SLC24A2: variants seen among roughly 807,000 people sequenced by gnomAD.
SLC24A2 encodes the protein solute carrier family 24 member 2, also known as sodium/potassium/calcium exchanger 2.
In SLC24A2, 36 loss-of-function variants were observed where a neutral mutation model predicts 62.0. The ratio of observed to expected loss-of-function variants is 0.58; its 90% CI spans 0.44 to 0.77. The LOEUF (loss-of-function observed/expected upper bound fraction) is 0.77. SLC24A2 is among the 30% of genes least tolerant of loss of function. The pLI is 0.00. For missense variants in SLC24A2, 846 were observed against 817.9 expected (o/e 1.03, Z -0.42); for synonymous variants, 358 against 294.0 (o/e 1.22, Z -2.23).
the SLC24A2 span, among the ~76,000 whole-genome samples, chr9:20,182,169 C>T: frequency 6.6e-6 from 1 of 152,206 alleles, no homozygotes; most frequent in Non-Finnish European, 1.5e-5. Flanking sequence ...AACGCTTTTA[C>T]ACTGTTGGTG....
intron 2 of SLC24A2, among the ~76,000 whole-genome samples, chr9:19,630,338 C>A (rs1004772985): frequency 6.6e-6 from 1 of 151,996 alleles, no homozygotes; most frequent in African/African-American, 2.4e-5. Context: ...ATTTAAAATG[C>A]ATTTTAAAAC....
the SLC24A2 span, among the ~76,000 whole-genome samples, chr9:19,799,642 T>A: frequency 6.6e-6 from 1 of 152,192 alleles, no homozygotes; most frequent in Non-Finnish European, 1.5e-5. Context: ...TTTAGCCTCC[T>A]CTAACTGCAG....
chr9:19,812,589 GC>G, the SLC24A2 span, among the ~76,000 whole-genome samples: 1 of 151,494 alleles, frequency 6.6e-6, no homozygotes, highest in East Asian at 1.9e-4. Flanking sequence ...TATTAATCTT[GC>G]CATTTAAAAA....
intron 7 of SLC24A2, among the ~76,000 whole-genome samples, chr9:19,569,496 A>G (rs1468992358): frequency 6.6e-6 from 1 of 151,966 alleles, no homozygotes; most frequent in African/African-American, 2.4e-5. Context: ...AGTGCGCACA[A>G]TGTCCTTCAT....
At chr9:19,649,957 A>T (rs1487307872) in intron 2 of SLC24A2, among the ~76,000 whole-genome samples, 3 of 152,234 alleles carry the variant, frequency 2.0e-5, no homozygotes, top group Non-Finnish European at 4.4e-5. Context: ...TCTCATGGCC[A>T]AGGAGCAAAA....
chr9:20,301,819 T>C, the SLC24A2 span, among the ~76,000 whole-genome samples: 3 of 152,194 alleles, frequency 2.0e-5, no homozygotes, highest in Non-Finnish European at 4.4e-5. Context: ...TCAGAACAAA[T>C]GTATTAATGA....
the SLC24A2 span, among the ~76,000 whole-genome samples, chr9:20,194,937 T>C: frequency 6.6e-6 from 1 of 152,168 alleles, no homozygotes; most frequent in Non-Finnish European, 1.5e-5. Context: ...CTAAGATTGC[T>C]AGTAACTACA....
the SLC24A2 span, among the ~76,000 whole-genome samples, chr9:20,166,948 C>G: frequency 9.9e-5 from 15 of 152,124 alleles, no homozygotes; most frequent in Non-Finnish European, 1.8e-4. Flanking sequence ...TCAACCTAAC[C>G]TTTCACCTCA....
chr9:20,108,608 A>G, the SLC24A2 span, among the ~76,000 whole-genome samples: 1 of 151,980 alleles, frequency 6.6e-6, no homozygotes, highest in East Asian at 1.9e-4. Context: ...ACAAAAAACC[A>G]AACACTGCAT....
the SLC24A2 span, among the ~76,000 whole-genome samples, chr9:20,196,698 G>A: frequency 2.6e-5 from 4 of 152,288 alleles, no homozygotes; most frequent in Non-Finnish European, 4.4e-5. Flanking sequence ...TGCCAAGGAG[G>A]CCTGCAAAGG....
intron 2 of SLC24A2, among the ~76,000 whole-genome samples, chr9:19,699,837 A>G (rs991774312): frequency 1.3e-5 from 2 of 152,018 alleles, no homozygotes; most frequent in Non-Finnish European, 2.9e-5. Flanking sequence ...TTTTCTGACT[A>G]GATGATTCTC....
the SLC24A2 span, among the ~76,000 whole-genome samples, chr9:20,286,746 G>A: frequency 1.2e-4 from 18 of 152,274 alleles, no homozygotes; most frequent in African/African-American, 3.4e-4. Context: ...GGAAGGGGAT[G>A]CTATTGATAA....
the SLC24A2 span, among the ~76,000 whole-genome samples, chr9:20,256,659 G>A: frequency 2.0e-5 from 3 of 152,106 alleles, no homozygotes; most frequent in Non-Finnish European, 2.9e-5. Context: ...CAACTGTGCA[G>A]TTCTTAGGTT....
Position 19,632,193 on chromosome 9 carries a change from C to T in SLC24A2, c.931-9894G>A, listed in dbSNP as rs189708326. Among the ~76,000 whole-genome samples the T allele has an allele frequency of 4.6e-5, 7 of 152,294 alleles. No individual in the cohort carries two copies. The highest frequency in any genetic ancestry group is 1.4e-4 in the African/African-American group (6 of 41,562). ...AGATTCAAACTTATCCTCAACATCT[C>T]AGCTCACTCCCTGCACCCCATCTGC... On this transcript the variant is annotated intron_variant, in intron 2 of 10. Coordinates refer to ENST00000341998, the MANE Select transcript of SLC24A2 (RefSeq NM_020344.4). This position sits in a 1 kb window ranked among gnomAD's most constrained non-coding sequence, Gnocchi z 4.5.
chr9:20,126,211 G>T, the SLC24A2 span, among the ~76,000 whole-genome samples: 1 of 152,148 alleles, frequency 6.6e-6, no homozygotes, highest in Admixed American at 6.6e-5. Flanking sequence ...AAGCTAGTAT[G>T]TGTGAAAACA....
At chr9:20,257,828 T>G in the SLC24A2 span, among the ~76,000 whole-genome samples, 1 of 152,170 alleles carries the variant, frequency 6.6e-6, no homozygotes, top group Non-Finnish European at 1.5e-5. Flanking sequence ...AGCCTCTGGT[T>G]TTTCTAAAAC....
chr9:20,017,715 G>C, the SLC24A2 span, among the ~76,000 whole-genome samples: 3 of 152,178 alleles, frequency 2.0e-5, no homozygotes, highest in Admixed American at 6.5e-5. Flanking sequence ...TCCAAGTGCT[G>C]ATTGGACACT....
intron 8 of SLC24A2, among the ~76,000 whole-genome samples, chr9:19,546,980 C>G (rs1201637767): frequency 6.6e-6 from 1 of 152,066 alleles, no homozygotes; most frequent in Non-Finnish European, 1.5e-5. Context: ...AGGCGACACC[C>G]CACACCCCAC....
intron 7 of SLC24A2, among the ~76,000 whole-genome samples, chr9:19,560,916 TAG>T (rs139732950): frequency 0.013 from 1,504 of 119,324 alleles, 22 homozygotes; most frequent in African/African-American, 0.043. Context: ...TATATATATA[TAG>T]AGAGAGAGAG....
Sources: gnomAD v4.1 joint callset for allele counts (sites outside exome capture counted in the v4.1 genomes callset) on GRCh38, gnomAD v4.1.1 for gene constraint, Gnocchi (gnomAD v3.1) non-coding constraint, MANE v1.5 for transcripts, NCBI Gene and HGNC (gene_info 2026-07-23, HGNC 2026-07-21) for gene names.